Variants in SVOPL observed in about 807,000 individuals in gnomAD.
SVOPL encodes putative transporter SVOPL.
A neutral mutation model predicts 61.0 loss-of-function variants in SVOPL; 60 were observed. The ratio of observed to expected loss-of-function variants is 0.98; its 90% CI spans 0.80 to 1.22. The LOEUF is 1.22. Ranked by LOEUF, SVOPL falls within the 50% of genes most tolerant of loss-of-function variation. SVOPL has a pLI of 0.00. For missense variants in SVOPL, 662 were observed against 643.9 expected (o/e 1.03, Z -0.30); for synonymous variants, 279 against 250.0 (o/e 1.12, Z -1.09).
intron 4 of SVOPL, among the ~76,000 whole-genome samples, chr7:138,665,355 G>T (rs13308573): frequency 0.27 from 40,411 of 150,844 alleles, 6,239 homozygotes; most frequent in Middle Eastern, 0.36. Context: ...TGGCCCTTCC[G>T]TTTAGCACAA....
chr7:138,615,560 CAAAAAAAAAAAA>C lies in SVOPL; in HGVS notation c.1353+5474_1353+5485del, dbSNP rs770404185. ...GGGTGACAGAGCGAGACTCCGTCTC[CAAAAAAAAAAAA>C]AAAAAAAAAAAAAAAAGTTTGAGAC... On this transcript the variant is annotated intron_variant, in intron 14 of 15. Coordinates refer to ENST00000674285, the MANE Select transcript of SVOPL (RefSeq NM_001139456.2). 5.4e-4 allele frequency among the ~76,000 whole-genome samples: 3 copies of C among 5,526 alleles called. 1 individual carries two copies. Among genetic ancestry groups the C allele is most frequent in the Admixed American group, 3.6e-3 (1 of 276 alleles). The allele number at this position is 5,526 out of a possible 152,430, so 3.6% of individuals were successfully genotyped here.
chr7:138,692,494 G>C (rs1158503125), intron 1 of SVOPL, among the ~76,000 whole-genome samples: 1 of 152,022 alleles, frequency 6.6e-6, no homozygotes, highest in African/African-American at 2.4e-5. Flanking sequence ...GTTTCAGATT[G>C]CCATTTCTTA....
At chr7:138,629,205 C>T (rs907157521) in intron 10 of SVOPL, among the ~76,000 whole-genome samples, 1 of 141,788 alleles carries the variant, frequency 7.1e-6, no homozygotes, top group African/African-American at 2.7e-5. Flanking sequence ...TTTCTCCTCC[C>T]CATGGATGGC....
At chr7:138,693,226 C>T (rs149204353) in intron 1 of SVOPL, among the ~76,000 whole-genome samples, 1,801 of 152,094 alleles carry the variant, frequency 0.012, 37 homozygotes, top group African/African-American at 0.042. Context: ...AAATTTCTTG[C>T]CAGGTGTGGT....
chr7:138,663,573 C>T, intron 4 of SVOPL: 1 of 991,398 alleles, frequency 1.0e-6, no homozygotes, highest in Non-Finnish European at 1.2e-6. Context: ...CAAATCCAAT[C>T]ACTCATTTAA....
At chr7:138,602,802 T>C (rs1415441111) in intron 14 of SVOPL, among the ~76,000 whole-genome samples, 2 of 151,994 alleles carry the variant, frequency 1.3e-5, no homozygotes, top group African/African-American at 2.4e-5. Flanking sequence ...TGTCCTGCTC[T>C]CCCAGGACCT....
At chr7:138,633,127 G>A (rs531486930) in intron 9 of SVOPL, among the ~76,000 whole-genome samples, 1 of 152,282 alleles carries the variant, frequency 6.6e-6, no homozygotes, top group African/African-American at 2.4e-5. Flanking sequence ...AGCTGACGCT[G>A]TTATAGTAGC....
chr7:138,656,705 T>C (rs1158563158), intron 6 of SVOPL, among the ~76,000 whole-genome samples, 194 bp from the exon 7 acceptor site: 1 of 152,094 alleles, frequency 6.6e-6, no homozygotes, highest in African/African-American at 2.4e-5. Context: ...TGCTCCTGGG[T>C]TTACATCTTT....
intron 14 of SVOPL, among the ~76,000 whole-genome samples, chr7:138,612,886 T>C (rs1450546183): frequency 6.6e-6 from 1 of 152,070 alleles, no homozygotes; most frequent in Non-Finnish European, 1.5e-5. Flanking sequence ...TAGAAAGGGT[T>C]TTCCAGAATT....
At chr7:138,691,651 G>C (rs974949186) in intron 1 of SVOPL, among the ~76,000 whole-genome samples, 5 of 151,786 alleles carry the variant, frequency 3.3e-5, no homozygotes, top group Admixed American at 3.3e-4. Context: ...AGCGATTCTC[G>C]TGCCTCAGCC....
At chr7:138,641,489 G>A (rs1215663940) in intron 9 of SVOPL, among the ~76,000 whole-genome samples, 1 of 151,752 alleles carries the variant, frequency 6.6e-6, no homozygotes, top group Non-Finnish European at 1.5e-5. Context: ...TGACCAACAT[G>A]GCGAAACCCC....
At chr7:138,644,489 G>A (rs891861922) in intron 9 of SVOPL, among the ~76,000 whole-genome samples, 1 of 152,202 alleles carries the variant, frequency 6.6e-6, no homozygotes, top group African/African-American at 2.4e-5. Flanking sequence ...TGCAAGGTGG[G>A]TGTTATTATT....
chr7:138,604,950 G>A (rs1383003369), intron 14 of SVOPL, among the ~76,000 whole-genome samples: 1 of 151,616 alleles, frequency 6.6e-6, no homozygotes, highest in Non-Finnish European at 1.5e-5. Flanking sequence ...GTGTAGTGGT[G>A]CATAACTGTA....
chr7:138,693,101 T>C (rs1454754154), intron 1 of SVOPL, among the ~76,000 whole-genome samples: 1 of 152,222 alleles, frequency 6.6e-6, no homozygotes, highest in Non-Finnish European at 1.5e-5. Flanking sequence ...TGACCTAAAT[T>C]ACTTTTCTTG....
intron 9 of SVOPL, among the ~76,000 whole-genome samples, chr7:138,640,459 AACCTCAGGTGTAACTCCCG>A (rs1335423164): frequency 3.9e-5 from 6 of 152,070 alleles, no homozygotes; most frequent in East Asian, 1.9e-4. Context: ...TGAAACTCCC[AACCTCAGGTGTAACTCCCG>A]ACCTCAGGTA....
intron 8 of SVOPL, chr7:138,646,587 T>C (rs1801125536): frequency 1.3e-5 from 2 of 152,548 alleles, no homozygotes; most frequent in Admixed American, 1.3e-4. Flanking sequence ...GGCGCAATCA[T>C]AGCTGACTGC....
intron 1 of SVOPL, among the ~76,000 whole-genome samples, chr7:138,692,528 T>C (rs7781278): frequency 0.02 from 3,098 of 152,226 alleles, 112 homozygotes; most frequent in African/African-American, 0.07. Context: ...CATAATAGCA[T>C]TGTTGACTTC....
At chr7:138,596,684 G>A (rs1798295904) in intron 14 of SVOPL, 154 bp from the exon 15 acceptor site, 2 of 1,377,864 alleles carry the variant, frequency 1.5e-6, no homozygotes, top group East Asian at 5.7e-5. Context: ...ATTTATCTGA[G>A]CCAATCTGGT....
At chr7:138,618,449 C>G (rs1799398199) in intron 14 of SVOPL, among the ~76,000 whole-genome samples, 1 of 152,076 alleles carries the variant, frequency 6.6e-6, no homozygotes, top group Admixed American at 6.6e-5. Flanking sequence ...CACCTGAGGT[C>G]AGGAGTTTGA....
Sources: allele counts gnomAD v4.1 joint callset (sites outside exome capture counted in the v4.1 genomes callset), GRCh38; gene constraint gnomAD v4.1.1; transcripts MANE v1.5; gene names NCBI Gene and HGNC (gene_info 2026-07-23, HGNC 2026-07-21).